The following ENTHD1 variants were observed in gnomAD, a reference collection of about 807,000 sequenced individuals.
ENTHD1 encodes the protein ENTH domain containing 1.
In ENTHD1, 23 loss-of-function variants were observed where a neutral mutation model predicts 39.1. The observed-to-expected ratio is 0.59, with a 90% CI of 0.42 to 0.83. The LOEUF (loss-of-function observed/expected upper bound fraction) is 0.83, where lower values mean the gene tolerates loss of function less well. ENTHD1 is among the 40% of genes least tolerant of loss of function. The probability of loss-of-function intolerance (pLI) is 0.00; values close to 1 mark genes in which losing one functional copy is unlikely to be tolerated. For synonymous variants in ENTHD1, 230 were observed against 258.2 expected (o/e 0.89, Z 1.05); for missense variants, 624 against 705.4 (o/e 0.88, Z 1.31).
chr22:39,874,904 A>G (rs775755817), intron 2 of ENTHD1, among the ~76,000 whole-genome samples: 4 of 152,240 alleles, frequency 2.6e-5, no homozygotes, highest in Non-Finnish European at 5.9e-5. Flanking sequence ...ATTCTCATAT[A>G]TTGGTAGTGA....
intron 3 of ENTHD1, among the ~76,000 whole-genome samples, chr22:39,847,421 A>G (rs937320564): frequency 6.6e-6 from 1 of 150,754 alleles, no homozygotes. Context: ...CCTAATGCTA[A>G]ATGATGAGTT....
intron 6 of ENTHD1, chr22:39,750,093 CT>C (rs2065137073): frequency 1.0e-5 from 2 of 196,062 alleles, no homozygotes; most frequent in South Asian, 2.2e-4. Flanking sequence ...CTTGAATTGG[CT>C]TCTGTATTTG....
At chr22:39,792,723 C>T (rs74852037) in intron 5 of ENTHD1, among the ~76,000 whole-genome samples, 1 of 152,096 alleles carries the variant, frequency 6.6e-6, no homozygotes, top group Non-Finnish European at 1.5e-5. Context: ...CAAACTGGCT[C>T]TATCTGGGCA....
chr22:39,868,098 A>AG (rs1467020961), intron 2 of ENTHD1, among the ~76,000 whole-genome samples: 2 of 151,822 alleles, frequency 1.3e-5, no homozygotes, highest in East Asian at 3.9e-4. Context: ...GAAAAGGAGA[A>AG]GAAAAAAAAA....
At chr22:39,890,641 T>G (rs2066419484) in intron 1 of ENTHD1, among the ~76,000 whole-genome samples, 1 of 152,236 alleles carries the variant, frequency 6.6e-6, no homozygotes, top group South Asian at 2.1e-4. Context: ...AAAAACTGTT[T>G]TCTTAAATGA....
chr22:39,844,447 C>A (rs763470927), intron 3 of ENTHD1, among the ~76,000 whole-genome samples: 5 of 150,346 alleles, frequency 3.3e-5, no homozygotes, highest in Non-Finnish European at 7.4e-5. Context: ...GCTCCAGGGA[C>A]AAGGAAAAAT....
At chr22:39,826,453 T>C (rs2065827401) in intron 4 of ENTHD1, among the ~76,000 whole-genome samples, 1 of 152,192 alleles carries the variant, frequency 6.6e-6, no homozygotes, top group Non-Finnish European at 1.5e-5. Context: ...TATGATTTCC[T>C]TTCTTCTATT....
chr22:39,815,671 C>T (rs1242506426), intron 5 of ENTHD1, among the ~76,000 whole-genome samples: 2 of 152,122 alleles, frequency 1.3e-5, no homozygotes, highest in African/African-American at 4.8e-5. Flanking sequence ...AACCAGGAAT[C>T]TTGTACAAAT....
intron 3 of ENTHD1, among the ~76,000 whole-genome samples, chr22:39,846,519 T>G (rs1416608243): frequency 6.6e-6 from 1 of 152,240 alleles, no homozygotes. Flanking sequence ...TTTTGACTTT[T>G]GTTGCCATTG....
At chr22:39,846,986 C>T (rs368204000) in intron 3 of ENTHD1, among the ~76,000 whole-genome samples, 3 of 152,028 alleles carry the variant, frequency 2.0e-5, no homozygotes, top group East Asian at 1.9e-4. Context: ...GTCAGTGTGG[C>T]GATTCCTCAG....
intron 5 of ENTHD1, among the ~76,000 whole-genome samples, chr22:39,780,166 G>C (rs186141583): frequency 8.5e-4 from 130 of 152,226 alleles, no homozygotes; most frequent in African/African-American, 3.0e-3. Flanking sequence ...TTGAGGTCAG[G>C]AGTTCGAGAC....
At chr22:39,875,672 G>A in intron 2 of ENTHD1, 2 of 1,612,244 alleles carry the variant, frequency 1.2e-6, no homozygotes, top group South Asian at 1.1e-5. Flanking sequence ...TGTCGCATAT[G>A]CTGCCAAGAA....
In ENTHD1 at chr22:39,753,960, G is replaced by T. The variant is rs1250488321; in HGVS notation, c.1220-9677C>A. Among the ~76,000 whole-genome samples the T allele has an allele frequency of 2.0e-5, 3 of 152,054 alleles. No individual in the cohort carries two copies. In the East Asian group the frequency reaches 5.8e-4, roughly 29 times the overall value. On this transcript the variant is annotated intron_variant, in intron 6 of 6. Coordinates refer to ENST00000325157, the MANE Select transcript of ENTHD1 (RefSeq NM_152512.4). ...ACTCTATCAACGCCTGCCTGGCTTT[G>T]CTTCCTTTCTTAACCAGTCTAGATC...
At chr22:39,746,311 CTCT>C (rs2065104594) in intron 6 of ENTHD1, among the ~76,000 whole-genome samples, 1 of 151,958 alleles carries the variant, frequency 6.6e-6, no homozygotes, top group Admixed American at 6.6e-5. Flanking sequence ...TTTCCAAGAG[CTCT>C]TTTTTTTGGT....
chr22:39,885,326 A>G (rs1010367158), intron 2 of ENTHD1, among the ~76,000 whole-genome samples: 20 of 152,228 alleles, frequency 1.3e-4, no homozygotes, highest in African/African-American at 4.3e-4. Context: ...GATAGCTATA[A>G]TCAACAACAA....
intron 2 of ENTHD1, among the ~76,000 whole-genome samples, chr22:39,870,873 C>T (rs2066236668): frequency 6.6e-6 from 1 of 152,132 alleles, no homozygotes; most frequent in Non-Finnish European, 1.5e-5. Flanking sequence ...GACCACTTTA[C>T]AGAACAGTAG....
intron 2 of ENTHD1, among the ~76,000 whole-genome samples, chr22:39,868,314 C>A (rs2066206801): frequency 7.0e-6 from 1 of 143,462 alleles, no homozygotes. Flanking sequence ...GTCTAGAAGA[C>A]CTGGGTAGAG....
intron 5 of ENTHD1, among the ~76,000 whole-genome samples, chr22:39,812,333 T>C (rs1489705174): frequency 6.6e-6 from 1 of 152,144 alleles, no homozygotes; most frequent in African/African-American, 2.4e-5. Flanking sequence ...TTGACAGCAT[T>C]GGAAACAGTA....
intron 5 of ENTHD1, among the ~76,000 whole-genome samples, chr22:39,780,496 C>T (rs571505662): frequency 6.6e-6 from 1 of 152,004 alleles, no homozygotes; most frequent in South Asian, 2.1e-4. Context: ...CCTATAAAGA[C>T]ACATATAGAC....
Sources: allele counts gnomAD v4.1 joint callset (sites outside exome capture counted in the v4.1 genomes callset), GRCh38; gene constraint gnomAD v4.1.1; transcripts MANE v1.5; gene names NCBI Gene and HGNC (gene_info 2026-07-23, HGNC 2026-07-21).